The following MBD5 variants were observed in gnomAD, a reference collection of about 807,000 sequenced individuals.
The protein encoded by MBD5 is methyl-CpG binding domain protein 5.
MBD5 carries 13 observed loss-of-function variants against 117.3 expected under a neutral mutation model. The ratio of observed to expected loss-of-function variants is 0.11; its 90% confidence interval spans 0.07 to 0.18. MBD5 has a LOEUF of 0.18. Among genes scored for constraint, MBD5 ranks in the 10% least tolerant of loss-of-function variants. MBD5 has a pLI of 1.00. For missense variants in MBD5, 1,879 were observed against 2,093.8 expected (o/e 0.90, Z 2.00); for synonymous variants, 727 against 766.4 (o/e 0.95, Z 0.85).
intron 1 of MBD5, among the ~76,000 whole-genome samples, chr2:148,152,388 T>A (rs1697704296): frequency 6.6e-6 from 1 of 152,206 alleles, no homozygotes; most frequent in Non-Finnish European, 1.5e-5. Context: ...ATAGGTGTGG[T>A]GCGGTGCTGA....
chr2:148,223,859 T>C (rs958183621), intron 2 of MBD5, among the ~76,000 whole-genome samples: 4 of 152,206 alleles, frequency 2.6e-5, no homozygotes, highest in Admixed American at 6.5e-5. Flanking sequence ...TAGGCACTTA[T>C]GGCCGTAAAC....
At chr2:148,404,127 G>GTTTT in intron 4 of MBD5, among the ~76,000 whole-genome samples, 1 of 144,992 alleles carries the variant, frequency 6.9e-6, no homozygotes. Flanking sequence ...AGCATTATGG[G>GTTTT]TTTTTTTTTT....
chr2:148,454,065 C>T (rs1488453724), intron 4 of MBD5, among the ~76,000 whole-genome samples: 1 of 151,554 alleles, frequency 6.6e-6, no homozygotes, highest in African/African-American at 2.4e-5. Flanking sequence ...TCTATGTCCA[C>T]CAAAGGAAAA....
Position 148,345,481 on chromosome 2 carries a change from ATACATATGTATATACACATACATAT to A in MBD5, c.-557+3146_-557+3170del, listed in dbSNP as rs1302983017. 5.4e-5 allele frequency among the ~76,000 whole-genome samples: 5 copies of A among 93,344 alleles called. 1 individual carries two copies. The allele number at this position is 93,344 out of a possible 152,430, so 61.2% of individuals were successfully genotyped here. The stretch of plus-strand genomic sequence containing the variant: ...TATACATATGTATATACACATACAT[ATACATATGTATATACACATACATAT>A]ACATATGTATATACACATACATATG... On this transcript the variant is annotated intron_variant, in intron 4 of 13. Coordinates refer to ENST00000642680, the MANE Select transcript of MBD5 (RefSeq NM_001378120.1).
chr2:148,145,378 A>G (rs1051885406), intron 1 of MBD5, among the ~76,000 whole-genome samples: 4 of 152,192 alleles, frequency 2.6e-5, no homozygotes, highest in Non-Finnish European at 5.9e-5. Flanking sequence ...TAAATATACA[A>G]TTATGTCATC....
intron 1 of MBD5, among the ~76,000 whole-genome samples, chr2:148,034,470 C>T (rs952257116): frequency 6.6e-6 from 1 of 152,116 alleles, no homozygotes; most frequent in Non-Finnish European, 1.5e-5. Context: ...TTATGATTAA[C>T]GAATGCTGGA....
chr2:148,437,794 T>C (rs1018410113), intron 4 of MBD5, among the ~76,000 whole-genome samples: 5 of 152,126 alleles, frequency 3.3e-5, no homozygotes, highest in Non-Finnish European at 7.4e-5. Context: ...ATTACTATGG[T>C]TGGTAATTGT....
chr2:148,067,802 A>C (rs1359254259), intron 1 of MBD5, among the ~76,000 whole-genome samples: 1 of 152,216 alleles, frequency 6.6e-6, no homozygotes, highest in African/African-American at 2.4e-5. Flanking sequence ...TGCTATAAGA[A>C]AGTATATTGC....
intron 2 of MBD5, among the ~76,000 whole-genome samples, chr2:148,203,699 G>A (rs2105970117): frequency 6.6e-6 from 1 of 152,268 alleles, no homozygotes; most frequent in Middle Eastern, 3.4e-3. Context: ...CTTGTCTGTG[G>A]ATCCTTTATG....
intron 4 of MBD5, among the ~76,000 whole-genome samples, chr2:148,367,808 T>C (rs564478615): frequency 3.9e-5 from 6 of 152,026 alleles, no homozygotes; most frequent in Non-Finnish European, 8.8e-5. Flanking sequence ...GAATGGCAAT[T>C]ATTAAAAAGT....
chr2:148,030,762 A>T (rs1250554264), intron 1 of MBD5, among the ~76,000 whole-genome samples: 1 of 152,204 alleles, frequency 6.6e-6, no homozygotes, highest in East Asian at 1.9e-4. Context: ...GTATTGAAGT[A>T]AAAAATGACC....
intron 4 of MBD5, among the ~76,000 whole-genome samples, chr2:148,455,570 A>G (rs1706855764): frequency 6.6e-6 from 1 of 152,102 alleles, no homozygotes; most frequent in African/African-American, 2.4e-5. Context: ...TTGTCCCAGA[A>G]CCATGTTAGA....
At chr2:148,310,220 G>A (rs1701996636) in intron 3 of MBD5, among the ~76,000 whole-genome samples, 1 of 152,180 alleles carries the variant, frequency 6.6e-6, no homozygotes, top group Non-Finnish European at 1.5e-5. Context: ...AGAAGGAATG[G>A]TACCAGCTCC....
intron 4 of MBD5, among the ~76,000 whole-genome samples, chr2:148,380,781 G>T (rs1704118084): frequency 6.6e-6 from 1 of 152,132 alleles, no homozygotes; most frequent in East Asian, 1.9e-4. Context: ...ACTTCCAGAG[G>T]AACGATCAGG....
intron 3 of MBD5, among the ~76,000 whole-genome samples, chr2:148,254,901 C>T (rs553679448): frequency 4.7e-4 from 72 of 152,274 alleles, no homozygotes; most frequent in Non-Finnish European, 9.0e-4. Flanking sequence ...AGGGGGCAGG[C>T]GTGCTGTGGG....
intron 3 of MBD5, among the ~76,000 whole-genome samples, chr2:148,310,594 A>G (rs1382112006): frequency 6.6e-6 from 1 of 152,176 alleles, no homozygotes; most frequent in Non-Finnish European, 1.5e-5. Flanking sequence ...TCAAAAAACC[A>G]GCTCCTGGAT....
chr2:148,041,246 G>A (rs960809372), intron 1 of MBD5: 2 of 152,234 alleles, frequency 1.3e-5, no homozygotes, highest in Non-Finnish European at 2.9e-5. Context: ...GAGGGCTGAC[G>A]ACACTACAGA....
intron 1 of MBD5, among the ~76,000 whole-genome samples, chr2:148,173,058 G>T (rs1232965593): frequency 2.6e-5 from 4 of 152,184 alleles, no homozygotes; most frequent in African/African-American, 9.7e-5. Flanking sequence ...GCTGGATGGT[G>T]AGACAAGAAC....
At chr2:148,375,959 A>G (rs1272332420) in intron 4 of MBD5, among the ~76,000 whole-genome samples, 1 of 151,836 alleles carries the variant, frequency 6.6e-6, no homozygotes, top group African/African-American at 2.4e-5. Flanking sequence ...TATCCTTAGC[A>G]CTATTGACAT....
Sources: allele counts gnomAD v4.1 joint callset (sites outside exome capture counted in the v4.1 genomes callset), GRCh38; gene constraint gnomAD v4.1.1; transcripts MANE v1.5; gene names NCBI Gene and HGNC (gene_info 2026-07-23, HGNC 2026-07-21).